Variants in CUX2 observed in about 807,000 individuals in gnomAD.
CUX2 encodes homeobox protein cut-like 2.
A neutral mutation model predicts 144.8 loss-of-function variants in CUX2; 40 were observed. That is an observed-to-expected ratio of 0.28 (90% CI 0.21 to 0.36). The LOEUF is 0.36. Ranked by LOEUF, CUX2 falls within the 10% of genes least tolerant of loss-of-function variation. CUX2 has a pLI of 1.00. For synonymous variants in CUX2, 827 were observed against 875.6 expected, an observed-to-expected ratio of 0.94 and a Z score of 0.98; for missense variants, 1,615 against 1,994.0, an observed-to-expected ratio of 0.81 and a Z score of 3.62.
intron 1 of CUX2, among the ~76,000 whole-genome samples, chr12:111,196,517 T>C (rs765720135): frequency 3.3e-5 from 5 of 152,158 alleles, no homozygotes; most frequent in Non-Finnish European, 5.9e-5. Context: ...GCATTTTTGG[T>C]CCCTGGTTTC....
chr12:111,239,705 T>C (rs1208702402), intron 3 of CUX2, among the ~76,000 whole-genome samples: 1 of 152,186 alleles, frequency 6.6e-6, no homozygotes, highest in Non-Finnish European at 1.5e-5. Context: ...GAAAAGCCAT[T>C]TCTCTTCCAT....
intron 1 of CUX2, among the ~76,000 whole-genome samples, chr12:111,084,161 T>C (rs1179280702): frequency 6.6e-6 from 1 of 152,170 alleles, no homozygotes; most frequent in Non-Finnish European, 1.5e-5. Context: ...CAAATAAATA[T>C]GATTTTCCTC....
intron 1 of CUX2, among the ~76,000 whole-genome samples, chr12:111,049,509 T>C (rs1870163958): frequency 6.6e-6 from 1 of 152,216 alleles, no homozygotes; most frequent in Non-Finnish European, 1.5e-5. Context: ...AGCACAGTAA[T>C]CAGAGGCTGT....
At chr12:111,326,709 G>T (rs184726558) in intron 18 of CUX2, among the ~76,000 whole-genome samples, 3 of 152,150 alleles carry the variant, frequency 2.0e-5, no homozygotes, top group Admixed American at 2.0e-4. Context: ...TTTGAGACCA[G>T]CCTGGCCAAC....
chr12:111,281,208 T>TC (rs1035638191), intron 4 of CUX2, among the ~76,000 whole-genome samples: 2 of 152,040 alleles, frequency 1.3e-5, no homozygotes, highest in South Asian at 2.1e-4. Context: ...GTGCCACCTG[T>TC]CCCCCCCATC....
chr12:111,076,705 TA>T (rs1261985554), intron 1 of CUX2, among the ~76,000 whole-genome samples: 1 of 152,230 alleles, frequency 6.6e-6, no homozygotes, highest in Non-Finnish European at 1.5e-5. Context: ...TCGAGAGTCT[TA>T]TATTTTCCCC....
chr12:111,323,532 C>A (rs1377221826), intron 18 of CUX2, among the ~76,000 whole-genome samples: 1 of 152,228 alleles, frequency 6.6e-6, no homozygotes, highest in Admixed American at 6.5e-5. Context: ...GGGCTCACGC[C>A]TGTAATCCCA....
chr12:111,183,983 A>G (rs900650996), intron 1 of CUX2, among the ~76,000 whole-genome samples: 3 of 152,032 alleles, frequency 2.0e-5, no homozygotes, highest in Non-Finnish European at 4.4e-5. Context: ...TTCTGGACAC[A>G]CTTCAATCGT....
intron 1 of CUX2, among the ~76,000 whole-genome samples, chr12:111,163,480 A>G (rs1195588115): frequency 6.6e-6 from 1 of 152,086 alleles, no homozygotes; most frequent in Non-Finnish European, 1.5e-5. Flanking sequence ...CTGCGGGAGG[A>G]TGTAACCCTA....
In CUX2 at chr12:111,304,426, C is replaced by T; in HGVS notation, c.858+112C>T. On this transcript the variant is annotated intron_variant, in intron 10 of 21. Coordinates refer to ENST00000261726, the MANE Select transcript of CUX2 (RefSeq NM_015267.4). This position sits in a 1 kb window ranked among gnomAD's most constrained non-coding sequence, Gnocchi z 4.7. The stretch of plus-strand genomic sequence containing the variant: ...CACTTTGTGGTTGATTGTGTGCATC[C>T]ATTTGAAACTGGGAGTGTGAATGTG... The T allele has an allele frequency of 1.2e-6, 1 of 812,806 alleles. No homozygotes were observed. The allele number at this position is 812,806 out of a possible 1,614,324, so 50.3% of individuals were successfully genotyped here. A position where few individuals can be genotyped will look rare whatever the true frequency, so the allele number is the denominator to read the frequency against.
At chr12:111,129,063 A>T (rs974973566) in intron 1 of CUX2, among the ~76,000 whole-genome samples, 15 of 152,366 alleles carry the variant, frequency 9.8e-5, no homozygotes, top group African/African-American at 3.6e-4. Flanking sequence ...AGGACTAACT[A>T]GATGCAACTT....
In CUX2 at chr12:111,246,657, A is replaced by T. The variant is rs59214806; in HGVS notation, c.223-17104A>T. Among the ~76,000 whole-genome samples the T allele has an allele frequency of 6.6e-6, 1 of 152,054 alleles. No homozygotes were observed. Among genetic ancestry groups the T allele is most frequent in the African/African-American group, 2.4e-5 (1 of 41,402 alleles). Reference sequence around the variant, plus strand: ...AGTGCATGTGGAATTTGGACCACAGACTCCACGTTTGCAAAGTTGGACTTA... The same window carrying T: ...AGTGCATGTGGAATTTGGACCACAGTCTCCACGTTTGCAAAGTTGGACTTA... On this transcript the variant is annotated intron_variant, in intron 3 of 21. Coordinates refer to ENST00000261726, the MANE Select transcript of CUX2 (RefSeq NM_015267.4). The surrounding 1 kb of genome is among the most constrained non-coding windows in gnomAD (Gnocchi z 4.0).
At chr12:111,314,937 C>T (rs1887114960) in intron 16 of CUX2, among the ~76,000 whole-genome samples, 1 of 152,158 alleles carries the variant, frequency 6.6e-6, no homozygotes, top group African/African-American at 2.4e-5. Flanking sequence ...AGTTCAGTTA[C>T]ACAGAGACAG....
intron 1 of CUX2, among the ~76,000 whole-genome samples, chr12:111,184,031 T>C (rs1391082646): frequency 6.6e-6 from 1 of 152,160 alleles, no homozygotes; most frequent in African/African-American, 2.4e-5. Context: ...ATCCTCGACA[T>C]CCTGACCCTC....
At chr12:111,148,123 A>T (rs1876813260) in intron 1 of CUX2, among the ~76,000 whole-genome samples, 1 of 152,224 alleles carries the variant, frequency 6.6e-6, no homozygotes, top group Admixed American at 6.5e-5. Context: ...GGGTGTAAGT[A>T]ACCCAGGTTG....
At chr12:111,341,734 G>T (rs201387592) in intron 20 of CUX2, 46 bp from the exon 21 acceptor site, 1 of 1,520,496 alleles carries the variant, frequency 6.6e-7, no homozygotes, top group Non-Finnish European at 8.8e-7. Context: ...GGAACTTTTG[G>T]GATGGGGACA....
chr12:111,236,793 GT>G (rs1380545746), intron 3 of CUX2, among the ~76,000 whole-genome samples: 5 of 152,198 alleles, frequency 3.3e-5, no homozygotes, highest in Non-Finnish European at 7.3e-5. Context: ...ATCAATCTGC[GT>G]TTTAGTATTC....
At chr12:111,195,734 A>G (rs537951852) in intron 1 of CUX2, among the ~76,000 whole-genome samples, 37 of 152,364 alleles carry the variant, frequency 2.4e-4, no homozygotes, top group Non-Finnish European at 4.4e-4. Flanking sequence ...AATGTTTGTT[A>G]TAATCTTGAT....
rs576086954 is a variant in CUX2, at chr12:111,053,201, G to A, written c.63+18961G>A. 2.6e-5 allele frequency among the ~76,000 whole-genome samples: 4 copies of A among 152,320 alleles called. No homozygotes were observed. In the South Asian group the frequency reaches 6.2e-4, roughly 24 times the overall value. On this transcript the variant is annotated intron_variant, in intron 1 of 21. Transcript: ENST00000261726. ...CGCCTGTACATGCAGGGCCCAGCACGGCGCCTGGCACATACCAGGGGCTCC... is the reference window on the plus strand; with the variant it reads ...CGCCTGTACATGCAGGGCCCAGCACAGCGCCTGGCACATACCAGGGGCTCC...
Sources: gnomAD v4.1 joint callset for allele counts (sites outside exome capture counted in the v4.1 genomes callset) on GRCh38, gnomAD v4.1.1 for gene constraint, Gnocchi (gnomAD v3.1) non-coding constraint, MANE v1.5 for transcripts, NCBI Gene and HGNC (gene_info 2026-07-23, HGNC 2026-07-21) for gene names.